The following SRBD1 variants were observed in gnomAD, a reference collection of about 807,000 sequenced individuals.
The protein encoded by SRBD1 is S1 RNA binding domain 1.
A neutral mutation model predicts 115.3 loss-of-function variants in SRBD1; 88 were observed. The ratio of observed to expected loss-of-function variants is 0.76; its 90% CI spans 0.64 to 0.91. SRBD1 has a LOEUF of 0.91. SRBD1 is among the 40% of genes least tolerant of loss of function. SRBD1 has a pLI of 0.00. For synonymous variants in SRBD1, 509 were observed against 407.7 expected (o/e 1.25, Z -2.99); for missense variants, 1,385 against 1,177.4 (o/e 1.18, Z -2.58).
intron 14 of SRBD1, among the ~76,000 whole-genome samples, chr2:45,524,330 A>G (rs114673349): frequency 6.6e-6 from 1 of 152,156 alleles, no homozygotes; most frequent in African/African-American, 2.4e-5. Flanking sequence ...GAAATAAAAG[A>G]CAAATACCCA....
At chr2:45,397,928 C>G (rs1667192569) in intron 19 of SRBD1, among the ~76,000 whole-genome samples, 1 of 152,238 alleles carries the variant, frequency 6.6e-6, no homozygotes, top group Admixed American at 6.5e-5. Flanking sequence ...CTTGTTAAAC[C>G]AAGATACTGA....
chr2:45,434,733 C>T (rs1470635240), intron 16 of SRBD1, among the ~76,000 whole-genome samples: 1 of 151,810 alleles, frequency 6.6e-6, no homozygotes, highest in Non-Finnish European at 1.5e-5. Context: ...CTGATATGCT[C>T]CAGAATCAAG....
chr2:45,480,607 A>G (rs577675380), intron 15 of SRBD1, among the ~76,000 whole-genome samples: 1 of 152,352 alleles, frequency 6.6e-6, no homozygotes, highest in Admixed American at 6.5e-5. Flanking sequence ...AGGGACAAGC[A>G]AATAAAGTGT....
intron 14 of SRBD1, among the ~76,000 whole-genome samples, chr2:45,515,135 T>C (rs980067940): frequency 3.3e-5 from 5 of 152,136 alleles, no homozygotes; most frequent in Non-Finnish European, 5.9e-5. Flanking sequence ...GTAGAAGAAA[T>C]TATATCCTAT....
intron 10 of SRBD1, among the ~76,000 whole-genome samples, chr2:45,556,645 C>CA: frequency 6.6e-6 from 1 of 151,768 alleles, no homozygotes; most frequent in South Asian, 2.1e-4. Context: ...GTATTTTTAG[C>CA]AGAGACAGGT....
intron 14 of SRBD1, among the ~76,000 whole-genome samples, chr2:45,511,029 T>C (rs1293138596): frequency 1.3e-5 from 2 of 152,324 alleles, no homozygotes; most frequent in African/African-American, 4.8e-5. Flanking sequence ...TCCATGAGTA[T>C]TGCGAACCAA....
chr2:45,562,990 A>G (rs1358539767), intron 9 of SRBD1, among the ~76,000 whole-genome samples: 1 of 152,236 alleles, frequency 6.6e-6, no homozygotes, highest in Non-Finnish European at 1.5e-5. Context: ...CACATTTACA[A>G]GAAGAGACTT....
chr2:45,529,152 G>GT (rs1381615133), intron 14 of SRBD1, among the ~76,000 whole-genome samples: 1 of 151,786 alleles, frequency 6.6e-6, no homozygotes, highest in Admixed American at 6.6e-5. Flanking sequence ...TTTAAAAGAA[G>GT]TATTTCCCTT....
chr2:45,577,342 G>A (rs988873541), intron 7 of SRBD1, among the ~76,000 whole-genome samples: 1 of 152,204 alleles, frequency 6.6e-6, no homozygotes, highest in African/African-American at 2.4e-5. Context: ...CAAAAGTTTA[G>A]CACCTCAGTT....
intron 16 of SRBD1, among the ~76,000 whole-genome samples, chr2:45,467,492 G>A (rs963930521): frequency 6.6e-6 from 1 of 152,168 alleles, no homozygotes; most frequent in African/African-American, 2.4e-5. Flanking sequence ...ACCCAACTCT[G>A]CCCTGTATAT....
chr2:45,571,516 C>CCAAAAAAAAAA (rs1673009803), intron 9 of SRBD1, among the ~76,000 whole-genome samples: 3 of 42,468 alleles, frequency 7.1e-5, no homozygotes, highest in African/African-American at 3.5e-4. Flanking sequence ...CCAGACTTTA[C>CCAAAAAAAAAA]CAAAAAAAAA....
At chr2:45,526,616 A>C (rs891752883) in intron 14 of SRBD1, among the ~76,000 whole-genome samples, 5 of 152,008 alleles carry the variant, frequency 3.3e-5, no homozygotes, top group Admixed American at 1.3e-4. Flanking sequence ...GTGTGTGAAT[A>C]TCTCAGTAAA....
In SRBD1 at chr2:45,605,311, T is replaced by C. The variant is rs770435855; in HGVS notation, c.80+51A>G. The C allele has an allele frequency of 3.9e-6, 6 of 1,552,362 alleles. No individual in the cohort carries two copies. The South Asian group carries it at 4.6e-5, about 12-fold the overall frequency. The stretch of plus-strand genomic sequence containing the variant: ...GAAAGTGACAGAATGCATTACTCCT[T>C]ATTAAAATATTCATCATTCCCCTAC... On this transcript the variant is annotated intron_variant, in intron 2 of 20. Coordinates refer to ENST00000263736, the MANE Select transcript of SRBD1 (RefSeq NM_018079.5).
At chr2:45,462,434 A>G (rs140842068) in intron 16 of SRBD1, among the ~76,000 whole-genome samples, 1 of 152,308 alleles carries the variant, frequency 6.6e-6, no homozygotes, top group East Asian at 1.9e-4. Context: ...CCATGTATTC[A>G]AAATAAATAA....
intron 19 of SRBD1, among the ~76,000 whole-genome samples, chr2:45,404,812 C>T (rs1177138474): frequency 4.6e-5 from 7 of 152,088 alleles, no homozygotes; most frequent in Non-Finnish European, 8.8e-5. Flanking sequence ...GCCCTTTTGA[C>T]TCAATCTCCT....
At chr2:45,582,076 A>C (rs1342702300) in intron 5 of SRBD1, among the ~76,000 whole-genome samples, 10 of 152,232 alleles carry the variant, frequency 6.6e-5, no homozygotes, top group Non-Finnish European at 8.8e-5. Flanking sequence ...GAGCTCATTC[A>C]GGTTTTACCA....
At chr2:45,595,991 A>C (rs1457980473) in intron 4 of SRBD1, among the ~76,000 whole-genome samples, 2 of 152,172 alleles carry the variant, frequency 1.3e-5, no homozygotes, top group Non-Finnish European at 2.9e-5. Flanking sequence ...CATTCACTTC[A>C]AAAAAGGAAG....
At chr2:45,505,056 C>T (rs190223998) in intron 14 of SRBD1, among the ~76,000 whole-genome samples, 152 of 151,436 alleles carry the variant, frequency 1.0e-3, no homozygotes, top group African/African-American at 3.4e-3. Flanking sequence ...TAAACACAAC[C>T]GAGTCTTCTA....
intron 18 of SRBD1, among the ~76,000 whole-genome samples, chr2:45,417,159 C>T (rs2103626778): frequency 6.6e-6 from 1 of 152,212 alleles, no homozygotes; most frequent in South Asian, 2.1e-4. Flanking sequence ...AAAGAATTTC[C>T]ATCACTCTAA....
Sources: allele counts gnomAD v4.1 joint callset (sites outside exome capture counted in the v4.1 genomes callset), GRCh38; gene constraint gnomAD v4.1.1; transcripts MANE v1.5; gene names NCBI Gene and HGNC (gene_info 2026-07-23, HGNC 2026-07-21).